TMCO4: variants seen among roughly 807,000 people sequenced by gnomAD.
TMCO4 encodes the protein transmembrane and coiled-coil domains 4, also known as transmembrane and coiled-coil domain-containing protein 4.
TMCO4 carries 58 observed loss-of-function variants against 64.7 expected under a neutral mutation model. The observed-to-expected ratio is 0.90, with a 90% CI of 0.73 to 1.12. The LOEUF (loss-of-function observed/expected upper bound fraction) is 1.12. TMCO4 is among the 50% of genes most tolerant of loss of function. TMCO4 has a pLI of 0.00. For synonymous variants in TMCO4, 325 were observed against 346.1 expected (o/e 0.94, Z 0.68); for missense variants, 780 against 825.9 (o/e 0.94, Z 0.68).
At chr1:19,742,528 T>C (rs1021778840) in intron 10 of TMCO4, among the ~76,000 whole-genome samples, 1 of 152,170 alleles carries the variant, frequency 6.6e-6, no homozygotes, top group South Asian at 2.1e-4. Flanking sequence ...GGGGGGACCC[T>C]GTCTCAGCTC....
chr1:19,772,222 C>T (rs1042481983), intron 4 of TMCO4, among the ~76,000 whole-genome samples: 11 of 152,142 alleles, frequency 7.2e-5, no homozygotes, highest in Non-Finnish European at 1.0e-4. Context: ...GAGGGAGCCC[C>T]GGATCCACCT....
rs3048209 is a variant in TMCO4, at chr1:19,684,063, C to CTTTTTT, written c.1501-625_1501-620dup. 6.9e-3 allele frequency among the ~76,000 whole-genome samples: 488 copies of CTTTTTT among 70,290 alleles called. 28 individuals are homozygous for CTTTTTT. The highest frequency in any genetic ancestry group is 0.031 in the African/African-American group (443 of 14,514). The allele number at this position is 70,290 out of a possible 152,430, so 46.1% of individuals were successfully genotyped here. ...AGGCGTGAGCCACTGTGCCCGGCAG[C>CTTTTTT]TTTTTTTTTTTTTTTTTTTTTTTTT... On this transcript the variant is annotated intron_variant, in intron 15 of 15. Transcript: ENST00000294543.
intron 3 of TMCO4, among the ~76,000 whole-genome samples, chr1:19,783,108 C>T (rs1350039804): frequency 1.3e-5 from 2 of 152,170 alleles, no homozygotes; most frequent in Non-Finnish European, 2.9e-5. Flanking sequence ...TGGCACATAG[C>T]AAAGGTTTAA....
At chr1:19,797,368 GAGA>G (rs1330417306) in intron 2 of TMCO4, among the ~76,000 whole-genome samples, 1 of 152,188 alleles carries the variant, frequency 6.6e-6, no homozygotes, top group Non-Finnish European at 1.5e-5. Context: ...TGTGAAGAAT[GAGA>G]AGATGTTACC....
At chr1:19,685,079 C>T (rs2095135606) in intron 15 of TMCO4, among the ~76,000 whole-genome samples, 5 of 152,216 alleles carry the variant, frequency 3.3e-5, no homozygotes, top group Admixed American at 1.3e-4. Context: ...AATCCCAGCA[C>T]TTTGGGAGGC....
intron 3 of TMCO4, among the ~76,000 whole-genome samples, 192 bp from the exon 4 acceptor site, chr1:19,780,958 G>T (rs965386216): frequency 6.6e-6 from 1 of 152,052 alleles, no homozygotes; most frequent in Admixed American, 6.5e-5. Context: ...TCTTCAATAT[G>T]TCTATCCACA....
chr1:19,700,921 C>A (rs749049923), intron 13 of TMCO4, 36 bp from the exon 14 acceptor site: 2 of 1,583,066 alleles, frequency 1.3e-6, no homozygotes, highest in South Asian at 2.2e-5. Context: ...GTCAGTGTCC[C>A]TGGCCACATT....
intron 2 of TMCO4, among the ~76,000 whole-genome samples, chr1:19,793,870 C>G (rs1349094906): frequency 6.6e-6 from 1 of 152,168 alleles, no homozygotes; most frequent in East Asian, 1.9e-4. Flanking sequence ...CTCCACATAT[C>G]TGCTTTTTTT....
intron 13 of TMCO4, among the ~76,000 whole-genome samples, chr1:19,724,815 G>A (rs897307536): frequency 1.3e-5 from 2 of 152,052 alleles, no homozygotes; most frequent in Non-Finnish European, 2.9e-5. Context: ...AGGCTGGAGT[G>A]CAGTGGCACA....
chr1:19,740,411 A>G (rs778038489), intron 11 of TMCO4, among the ~76,000 whole-genome samples: 1 of 152,232 alleles, frequency 6.6e-6, no homozygotes, highest in Non-Finnish European at 1.5e-5. Flanking sequence ...CAAATGGAGC[A>G]GAGCTGAGTT....
intron 13 of TMCO4, among the ~76,000 whole-genome samples, chr1:19,729,385 T>C (rs2095421241): frequency 6.6e-6 from 1 of 151,164 alleles, no homozygotes; most frequent in Non-Finnish European, 1.5e-5. Context: ...TGGCCTCAAG[T>C]GATCTGCCCA....
chr1:19,787,757 CT>C (rs2043818218), intron 2 of TMCO4, among the ~76,000 whole-genome samples: 1 of 152,046 alleles, frequency 6.6e-6, no homozygotes, highest in South Asian at 2.1e-4. Flanking sequence ...TTTTCTTTTT[CT>C]TTTCTTTCTT....
intron 15 of TMCO4, among the ~76,000 whole-genome samples, chr1:19,685,774 T>G (rs2095144031): frequency 7.1e-6 from 1 of 139,886 alleles, no homozygotes; most frequent in Admixed American, 8.2e-5. Context: ...AGTGCAATGG[T>G]GCAGTCTTGG....
intron 7 of TMCO4, among the ~76,000 whole-genome samples, chr1:19,750,625 C>T (rs921572061): frequency 2.0e-5 from 3 of 152,200 alleles, no homozygotes; most frequent in Non-Finnish European, 4.4e-5. Context: ...CATCTCTCCC[C>T]GATGTGACAC....
At chr1:19,762,171 T>G (rs1319735182) in intron 6 of TMCO4, among the ~76,000 whole-genome samples, 1 of 152,232 alleles carries the variant, frequency 6.6e-6, no homozygotes, top group Non-Finnish European at 1.5e-5. Context: ...GGCAAATGCC[T>G]TACTCTTGAG....
intron 13 of TMCO4, among the ~76,000 whole-genome samples, chr1:19,736,017 T>C (rs2095452684): frequency 6.6e-6 from 1 of 152,144 alleles, no homozygotes; most frequent in Admixed American, 6.5e-5. Context: ...TTGGACCTCC[T>C]GGGTGTTCCA....
chr1:19,782,744 C>G (rs948093306), intron 3 of TMCO4, among the ~76,000 whole-genome samples: 2 of 152,260 alleles, frequency 1.3e-5, no homozygotes, highest in African/African-American at 4.8e-5. Flanking sequence ...TGGGAGCCAC[C>G]AGGAAGGGTA....
chr1:19,721,090 G>A (rs1275126558), intron 13 of TMCO4, among the ~76,000 whole-genome samples: 1 of 152,214 alleles, frequency 6.6e-6, no homozygotes, highest in Non-Finnish European at 1.5e-5. Context: ...TTGCTGCAGA[G>A]GGTCTGGATT....
chr1:19,733,706 T>G (rs1443423869), intron 13 of TMCO4, among the ~76,000 whole-genome samples: 2 of 152,070 alleles, frequency 1.3e-5, no homozygotes, highest in Non-Finnish European at 2.9e-5. Context: ...ACTGGTAGAC[T>G]GGAAAGACAG....
Sources: allele counts gnomAD v4.1 joint callset (sites outside exome capture counted in the v4.1 genomes callset), GRCh38; gene constraint gnomAD v4.1.1; transcripts MANE v1.5; gene names NCBI Gene and HGNC (gene_info 2026-07-23, HGNC 2026-07-21).